Variants in NTN4 observed in about 807,000 individuals in gnomAD.
NTN4 encodes the protein netrin-4.
NTN4 carries 32 observed loss-of-function variants against 73.6 expected under a neutral mutation model. That is an observed-to-expected ratio of 0.44 (90% CI 0.33 to 0.58). The LOEUF is 0.58. NTN4 is among the 20% of genes least tolerant of loss of function. NTN4 has a pLI of 0.04. For missense variants in NTN4, 654 were observed against 798.3 expected (o/e 0.82, Z 2.18); for synonymous variants, 258 against 287.5 (o/e 0.90, Z 1.04).
intron 7 of NTN4, chr12:95,673,327 G>A (rs1166087772): frequency 3.4e-6 from 1 of 290,312 alleles, no homozygotes; most frequent in African/African-American, 2.2e-5. Context: ...CCTTGTCCAA[G>A]AGAGTTTAAA....
At chr12:95,687,152 T>C (rs1168030389) in intron 5 of NTN4, among the ~76,000 whole-genome samples, 1 of 143,808 alleles carries the variant, frequency 7.0e-6, no homozygotes, top group Non-Finnish European at 1.5e-5. Context: ...CATATATTTC[T>C]ATTTTGTCCC....
In NTN4 at chr12:95,665,873, T is replaced by C. The variant is rs1192721045; in HGVS notation, c.1687A>G (p.Lys563Glu). ...CATGATTCTGGATATAATGTTCGCT[T>C]TCCTCGGAAAATCTTCAGTTTGGTA... ...KSTKLKIFRGKRTLYPESWTD... is the reference protein window; with the variant it reads ...KSTKLKIFRGERTLYPESWTD... Residue 563 changes from lysine to glutamate, a missense_variant, in exon 9 of 10, where the codon AAG (lysine) becomes GAG (glutamate). By Grantham distance (56) the Lys-to-Glu change is moderately conservative. Coordinates refer to ENST00000343702, the MANE Select transcript of NTN4 (RefSeq NM_021229.4). 6.2e-7 allele frequency: 1 copy of C among 1,613,914 alleles called. No homozygotes were observed. Among genetic ancestry groups the C allele is most frequent in the African/African-American group, 1.3e-5 (1 of 74,936 alleles).
intron 3 of NTN4, among the ~76,000 whole-genome samples, chr12:95,731,000 T>C (rs977568195): frequency 6.6e-6 from 1 of 152,204 alleles, no homozygotes; most frequent in Non-Finnish European, 1.5e-5. Context: ...CTCTTCCTAA[T>C]AAAACCATAG....
At chr12:95,760,964 C>T (rs2078982813) in intron 2 of NTN4, among the ~76,000 whole-genome samples, 1 of 152,114 alleles carries the variant, frequency 6.6e-6, no homozygotes, top group African/African-American at 2.4e-5. Flanking sequence ...GAGGATTCTA[C>T]TTGAGATTTA....
At chr12:95,749,942 C>A (rs2078892036) in intron 2 of NTN4, among the ~76,000 whole-genome samples, 1 of 143,498 alleles carries the variant, frequency 7.0e-6, no homozygotes, top group Non-Finnish European at 1.5e-5. Context: ...GGGGGAGGGG[C>A]AAGTACCCCT....
chr12:95,696,409 TTTC>T (rs1165054870), intron 5 of NTN4, among the ~76,000 whole-genome samples: 2 of 152,150 alleles, frequency 1.3e-5, no homozygotes, highest in Non-Finnish European at 2.9e-5. Context: ...TTAAAAAATA[TTTC>T]TTAATAATTG....
intron 3 of NTN4, 40 bp from the exon 4 acceptor site, chr12:95,713,378 C>T (rs751856884): frequency 5.3e-6 from 8 of 1,516,416 alleles, no homozygotes; most frequent in South Asian, 2.6e-5. Context: ...GCACACATGT[C>T]GCCAAAGAAG....
intron 2 of NTN4, among the ~76,000 whole-genome samples, chr12:95,748,157 G>A: frequency 6.9e-6 from 1 of 145,702 alleles, no homozygotes; most frequent in Admixed American, 7.2e-5. Flanking sequence ...CTTGAACCTG[G>A]AAGGCAGAGG....
At chr12:95,752,856 C>T (rs1592704857) in intron 2 of NTN4, among the ~76,000 whole-genome samples, 1 of 152,228 alleles carries the variant, frequency 6.6e-6, no homozygotes, top group Admixed American at 6.5e-5. Context: ...CTAAAAATCA[C>T]AAACTATGCT....
chr12:95,712,428 A>T (rs1282518021), intron 4 of NTN4, among the ~76,000 whole-genome samples: 3 of 152,228 alleles, frequency 2.0e-5, no homozygotes, highest in African/African-American at 7.2e-5. Flanking sequence ...TAACTTTGGC[A>T]AATCACTTAA....
Position 95,703,812 on chromosome 12 carries a change from C to A in NTN4, c.1180+6629G>T, listed in dbSNP as rs545617571. Among the ~76,000 whole-genome samples, 82 of 152,202 alleles carry A rather than the reference C, an allele frequency of 5.4e-4. 1 individual carries two copies. In the South Asian group the frequency reaches 0.012, roughly 22 times the overall value. On this transcript the variant is annotated intron_variant, in intron 5 of 9. Coordinates refer to ENST00000343702, the MANE Select transcript of NTN4 (RefSeq NM_021229.4). ...ATATGCACACAAATAGAGATGTAAA[C>A]CTTCGTTAATTTGGATGTTTGCTTA...
chr12:95,790,017 A>C lies in NTN4; in HGVS notation c.55+238T>G, dbSNP rs1474057769. The stretch of plus-strand genomic sequence containing the variant: ...AAACCCCGGTCGCAGTATCCCCGGC[A>C]GGGCGCACCCAGGATAGCTGGTTAT... On this transcript the variant is annotated intron_variant, in intron 1 of 9. Coordinates refer to ENST00000343702, the MANE Select transcript of NTN4 (RefSeq NM_021229.4). This position sits in a 1 kb window ranked among gnomAD's most constrained non-coding sequence, Gnocchi z 6.5. 1 of 423,166 alleles carries C rather than the reference A, an allele frequency of 2.4e-6. No individual in the cohort carries two copies. Among genetic ancestry groups the C allele is most frequent in the Non-Finnish European group, 4.2e-6 (1 of 237,576 alleles). 26.2% of individuals were successfully genotyped at this position (423,166 alleles called of 1,614,324 possible). A position where few individuals can be genotyped will look rare whatever the true frequency, so the allele number is the denominator to read the frequency against.
intron 7 of NTN4, chr12:95,672,900 T>G: frequency 7.8e-7 from 1 of 1,286,320 alleles, no homozygotes; most frequent in East Asian, 2.3e-5. Context: ...ATCTGGAAGG[T>G]CTCTCTGAAG....
At chr12:95,705,687 C>T (rs2078517365) in intron 5 of NTN4, among the ~76,000 whole-genome samples, 1 of 152,136 alleles carries the variant, frequency 6.6e-6, no homozygotes, top group Non-Finnish European at 1.5e-5. Context: ...CTGATGTGCT[C>T]CCCTCCACAC....
chr12:95,771,114 C>T (rs1330359712), intron 2 of NTN4, among the ~76,000 whole-genome samples: 2 of 151,808 alleles, frequency 1.3e-5, no homozygotes, highest in Admixed American at 1.3e-4. Flanking sequence ...CTCAGCCTCC[C>T]AAGTAGCTGG....
At chr12:95,765,190 TG>T (rs2079012525) in intron 2 of NTN4, among the ~76,000 whole-genome samples, 1 of 152,262 alleles carries the variant, frequency 6.6e-6, no homozygotes, top group African/African-American at 2.4e-5. Flanking sequence ...ATCTTGTACT[TG>T]ACATTCATAA....
At position 95,787,260 on chromosome 12, in the gene NTN4, A is replaced by C. The variant is rs751022816; in HGVS notation, c.264T>G (p.Ala88=). 2 of 1,614,084 alleles carry C rather than the reference A, an allele frequency of 1.2e-6. No homozygotes were observed. The highest frequency in any genetic ancestry group is 2.7e-5 in the African/African-American group (2 of 74,930). ...DKCNAAYPHL[A]HLPSAMADSS... is the part of the protein sequence containing the mutation. ...AGTCTGCCATGGCAGATGGCAGGTG[A>C]GCCAGGTGAGGATAGGCAGCATTGC... Residue 88 remains alanine, a synonymous_variant, in exon 2 of 10, where the codon GCT becomes GCG. Coordinates refer to ENST00000343702, the MANE Select transcript of NTN4 (RefSeq NM_021229.4).
chr12:95,691,212 ATTTTC>A (rs1363851591), intron 5 of NTN4, among the ~76,000 whole-genome samples: 1 of 152,100 alleles, frequency 6.6e-6, no homozygotes, highest in African/African-American at 2.4e-5. Context: ...ATGCAAACAT[ATTTTC>A]TTCTTGTTTG....
chr12:95,685,854 GTAAAT>G (rs1195618731), intron 5 of NTN4, among the ~76,000 whole-genome samples: 4 of 151,992 alleles, frequency 2.6e-5, no homozygotes, highest in Non-Finnish European at 4.4e-5. Flanking sequence ...ATGATTAATA[GTAAAT>G]TAAATTAACT....
Sources: gnomAD v4.1 joint callset for allele counts (sites outside exome capture counted in the v4.1 genomes callset) on GRCh38, gnomAD v4.1.1 for gene constraint, Gnocchi (gnomAD v3.1) non-coding constraint, MANE v1.5 for transcripts, NCBI Gene and HGNC (gene_info 2026-07-23, HGNC 2026-07-21) for gene names.